The following SLC2A13 variants were observed in gnomAD, a reference collection of about 807,000 sequenced individuals.
SLC2A13 encodes the protein solute carrier family 2 member 13, also known as proton myo-inositol cotransporter.
A neutral mutation model predicts 64.4 loss-of-function variants in SLC2A13; 32 were observed. The observed-to-expected ratio is 0.50, with a 90% CI of 0.37 to 0.67. The LOEUF is 0.67. Among genes scored for constraint, SLC2A13 ranks in the 30% least tolerant of loss-of-function variants. The probability of loss-of-function intolerance (pLI) is 0.00; values close to 1 mark genes in which losing one functional copy is unlikely to be tolerated. For synonymous variants in SLC2A13, 338 were observed against 327.1 expected (o/e 1.03, Z -0.36); for missense variants, 743 against 829.2 (o/e 0.90, Z 1.28).
rs141402251 is a variant in SLC2A13 at position 39,922,993 on chromosome 12, C to G, written c.1034+28264G>C. On this transcript the variant is annotated intron_variant, in intron 4 of 9. Coordinates refer to ENST00000280871, the MANE Select transcript of SLC2A13 (RefSeq NM_052885.4). ...TGAAGAATAATTGAAAACAGTGATT[C>G]AAGCAAATACTTCTATACTAATGAT... is the stretch of plus-strand genomic sequence containing the variant. Among the ~76,000 whole-genome samples, 208 of 152,228 alleles carry G rather than the reference C, an allele frequency of 1.4e-3. 1 individual carries two copies. Among genetic ancestry groups the G allele is most frequent in the African/African-American group, 4.9e-3 (203 of 41,552 alleles).
chr12:39,858,656 G>C (rs1257009243), intron 6 of SLC2A13, among the ~76,000 whole-genome samples: 1 of 152,108 alleles, frequency 6.6e-6, no homozygotes. Context: ...GCCTGGGCTG[G>C]AGTGCAATGG....
chr12:40,078,492 T>C (rs1938267590), intron 1 of SLC2A13, among the ~76,000 whole-genome samples: 1 of 152,234 alleles, frequency 6.6e-6, no homozygotes, highest in South Asian at 2.1e-4. Flanking sequence ...AAGGCCTATT[T>C]GATTGTGGTG....
At chr12:39,889,529 C>CTTTTT (rs56189217) in intron 4 of SLC2A13, among the ~76,000 whole-genome samples, 13 of 119,862 alleles carry the variant, frequency 1.1e-4, no homozygotes, top group Non-Finnish European at 2.1e-4. Flanking sequence ...GGTAAACAAC[C>CTTTTT]TTTTTTTTTT....
intron 4 of SLC2A13, among the ~76,000 whole-genome samples, chr12:39,914,612 G>A (rs1226390415): frequency 6.6e-6 from 1 of 151,758 alleles, no homozygotes; most frequent in African/African-American, 2.4e-5. Flanking sequence ...GGTAACTGTG[G>A]TTTTTGCCAC....
chr12:40,081,188 G>A (rs907250243), intron 1 of SLC2A13, among the ~76,000 whole-genome samples: 2 of 152,110 alleles, frequency 1.3e-5, no homozygotes, highest in African/African-American at 4.8e-5. Context: ...TCTTCAAGAT[G>A]GACATCTTGT....
At chr12:39,951,003 T>C (rs980833278) in intron 4 of SLC2A13, 24 of 406,918 alleles carry the variant, frequency 5.9e-5, no homozygotes, top group African/African-American at 4.5e-4. Flanking sequence ...AAGGAGGTAT[T>C]GGATGGCGTA....
At chr12:39,889,762 C>T (rs1328287792) in intron 4 of SLC2A13, among the ~76,000 whole-genome samples, 1 of 152,002 alleles carries the variant, frequency 6.6e-6, no homozygotes, top group Non-Finnish European at 1.5e-5. Context: ...GATTTCTTGA[C>T]CTCGTGATCT....
intron 1 of SLC2A13, among the ~76,000 whole-genome samples, chr12:40,082,278 C>G (rs1331398254): frequency 6.6e-6 from 1 of 152,228 alleles, no homozygotes; most frequent in Admixed American, 6.5e-5. Context: ...ATGATACAAA[C>G]AGTAAATTCA....
rs768179800 is a variant in SLC2A13, at chr12:39,830,275, GC to G, written c.1320-48del. 18 of 1,594,378 alleles carry G rather than the reference GC, an allele frequency of 1.1e-5. 1 individual carries two copies. Among genetic ancestry groups the G allele is most frequent in the Non-Finnish European group, 1.5e-5 (17 of 1,170,026 alleles). ...CGTCATGTTGGCAGAGACAACTGGT[GC>G]TCACCATATACTGGATTCCATGTGC... is the stretch of plus-strand genomic sequence containing the variant. On this transcript the variant is annotated intron_variant, in intron 6 of 9. Transcript: ENST00000280871.
intron 2 of SLC2A13, among the ~76,000 whole-genome samples, chr12:40,033,531 GA>G (rs1209752523): frequency 2.0e-5 from 3 of 152,200 alleles, no homozygotes; most frequent in Admixed American, 6.5e-5. Flanking sequence ...CTGCTAGGAG[GA>G]AATGGAATAT....
chr12:40,055,482 G>A (rs534197333), intron 1 of SLC2A13, among the ~76,000 whole-genome samples: 1 of 152,252 alleles, frequency 6.6e-6, no homozygotes, highest in Admixed American at 6.5e-5. Flanking sequence ...CTCCAAGCAG[G>A]ACTACAAGCC....
rs569033461 is a variant in SLC2A13 at position 39,997,209 on chromosome 12, T to A, written c.925+31092A>T. Among the ~76,000 whole-genome samples, 9 of 152,148 alleles carry A rather than the reference T, an allele frequency of 5.9e-5. No homozygotes were observed. In the South Asian group the frequency reaches 1.9e-3, roughly 32 times the overall value. On this transcript the variant is annotated intron_variant, in intron 3 of 9. Transcript: ENST00000280871. ...AAGCACATAGACCAATGGAACAGAA[T>A]AGAGAACCCAGAAATAAACCCAAAT...
intron 2 of SLC2A13, among the ~76,000 whole-genome samples, chr12:40,038,765 AGGGAAG>A (rs1948032601): frequency 1.9e-5 from 1 of 53,106 alleles, no homozygotes; most frequent in Non-Finnish European, 3.4e-5. Flanking sequence ...AAAAAGGGAA[AGGGAAG>A]GGGAAAGGGA....
intron 9 of SLC2A13, among the ~76,000 whole-genome samples, chr12:39,764,101 C>G (rs1179821815): frequency 1.3e-5 from 2 of 152,096 alleles, no homozygotes; most frequent in Non-Finnish European, 2.9e-5. Context: ...CCTAGACTCC[C>G]TGCCTACATC....
chr12:39,776,225 A>C (rs1395645504), intron 7 of SLC2A13, among the ~76,000 whole-genome samples: 1 of 151,416 alleles, frequency 6.6e-6, no homozygotes, highest in Non-Finnish European at 1.5e-5. Flanking sequence ...CGGTTCCTTC[A>C]TATTGACCAA....
chr12:39,859,372 G>T (rs1266622063), intron 6 of SLC2A13, among the ~76,000 whole-genome samples: 1 of 135,806 alleles, frequency 7.4e-6, no homozygotes, highest in East Asian at 2.3e-4. Flanking sequence ...TATGGCAGTG[G>T]TTCTTAATGG....
chr12:39,809,545 G>A (rs1380192032), intron 7 of SLC2A13, among the ~76,000 whole-genome samples: 1 of 152,124 alleles, frequency 6.6e-6, no homozygotes, highest in Non-Finnish European at 1.5e-5. Flanking sequence ...TAGGGTACAT[G>A]TGCACAACGT....
intron 7 of SLC2A13, among the ~76,000 whole-genome samples, chr12:39,768,765 TC>T (rs1383505490): frequency 2.0e-5 from 3 of 151,806 alleles, no homozygotes; most frequent in Non-Finnish European, 4.4e-5. Context: ...AATGAAAAAG[TC>T]TGAAATAATG....
At chr12:39,835,280 T>C (rs1942975310) in intron 6 of SLC2A13, among the ~76,000 whole-genome samples, 1 of 152,022 alleles carries the variant, frequency 6.6e-6, no homozygotes, top group African/African-American at 2.4e-5. Flanking sequence ...TCTAAGATTG[T>C]ACATGAAAGA....
Sources: gnomAD v4.1 joint callset for allele counts (sites outside exome capture counted in the v4.1 genomes callset) on GRCh38, gnomAD v4.1.1 for gene constraint, MANE v1.5 for transcripts, NCBI Gene and HGNC (gene_info 2026-07-23, HGNC 2026-07-21) for gene names.